PAM: variants seen among roughly 807,000 people sequenced by gnomAD.
The protein encoded by PAM is peptidylglycine alpha-amidating monooxygenase, also known as peptidyl-glycine alpha-amidating monooxygenase.
A neutral mutation model predicts 122.1 loss-of-function variants in PAM; 72 were observed. That is an observed-to-expected ratio of 0.59 (90% CI 0.49 to 0.72). The LOEUF is 0.72. Ranked by LOEUF, PAM falls within the 30% of genes least tolerant of loss-of-function variation. The pLI, the probability that PAM is intolerant of heterozygous loss-of-function variation, is 0.00. For synonymous variants in PAM, 389 were observed against 404.4 expected, an observed-to-expected ratio of 0.96 and a Z score of 0.46; for missense variants, 1,106 against 1,183.7, an observed-to-expected ratio of 0.93 and a Z score of 0.96.
At chr5:102,832,837 G>T (rs754451831) in intron 1 of PAM, among the ~76,000 whole-genome samples, 14 of 152,268 alleles carry the variant, frequency 9.2e-5, no homozygotes, top group Middle Eastern at 6.8e-3. Context: ...GAGCAGAACA[G>T]CTAAGTGACT....
At chr5:102,970,900 G>A (rs1403326005) in intron 14 of PAM, among the ~76,000 whole-genome samples, 1 of 152,056 alleles carries the variant, frequency 6.6e-6, no homozygotes, top group African/African-American at 2.4e-5. Flanking sequence ...TCTGCCTCTG[G>A]GGTTCAAGCA....
At chr5:102,856,718 T>G (rs531703202) in intron 1 of PAM, among the ~76,000 whole-genome samples, 2 of 152,256 alleles carry the variant, frequency 1.3e-5, no homozygotes, top group Admixed American at 6.5e-5. Flanking sequence ...AAAATAAAAT[T>G]TTTTACTTTT....
chr5:102,767,405 G>A (rs1754437509), intron 1 of PAM, among the ~76,000 whole-genome samples: 1 of 152,048 alleles, frequency 6.6e-6, no homozygotes, highest in Admixed American at 6.6e-5. Flanking sequence ...CTCTTATTCT[G>A]GTGTTAGGAC....
chr5:102,909,493 C>T (rs928740925), intron 4 of PAM, among the ~76,000 whole-genome samples: 1 of 151,834 alleles, frequency 6.6e-6, no homozygotes, highest in Non-Finnish European at 1.5e-5. Context: ...ACTATGCTCA[C>T]ATAATAGAGT....
chr5:102,862,860 G>T (rs2098377398), intron 1 of PAM, among the ~76,000 whole-genome samples: 2 of 152,142 alleles, frequency 1.3e-5, no homozygotes, highest in Admixed American at 1.3e-4. Context: ...CAGGAATCAG[G>T]CAGTTTTCCT....
At position 103,028,947 on chromosome 5, in the gene PAM, G is replaced by A. The variant is rs773572053; in HGVS notation, c.2804G>A (p.Arg935Gln). 26 of 1,613,658 alleles carry A rather than the reference G, an allele frequency of 1.6e-5. No individual in the cohort carries two copies. The highest frequency in any genetic ancestry group is 1.3e-4 in the Admixed American group (8 of 59,990). The part of the protein sequence containing the change: ...NFFASRKGYS[R>Q]KGFDRLSTEG... ...TTTGCAAGCCGTAAGGGCTACAGTCGAAAAGGGTTTGACCGGCTTAGCACT... is the reference window on the plus strand; with the variant it reads ...TTTGCAAGCCGTAAGGGCTACAGTCAAAAAGGGTTTGACCGGCTTAGCACT... The change falls in exon 26 of 26, where the codon CGA (arginine) becomes CAA (glutamine). Residue 935 changes from arginine (R) to glutamine (Q), a missense_variant. Transcript: ENST00000438793.
intron 1 of PAM, among the ~76,000 whole-genome samples, chr5:102,823,220 A>G (rs940673720): frequency 6.6e-6 from 1 of 152,146 alleles, no homozygotes; most frequent in African/African-American, 2.4e-5. Context: ...ATGTTTGTAT[A>G]TTTTGTCACC....
In PAM at chr5:103,027,363, C is replaced by A. The variant is rs375290174; in HGVS notation, c.2690-822C>A. 3.9e-5 allele frequency among the ~76,000 whole-genome samples: 6 copies of A among 152,252 alleles called. No individual in the cohort carries two copies. The East Asian group carries it at 1.2e-3, about 29-fold the overall frequency. ...CTCCCTTTCCTCTCATCTGCGCTAT[C>A]TTTTTCCATGATGCTGACTTCAGTC... On this transcript the variant is annotated intron_variant, in intron 24 of 25. Coordinates refer to ENST00000438793, the MANE Select transcript of PAM (RefSeq NM_001177306.2).
chr5:103,017,069 A>G (rs1197876954), intron 21 of PAM, among the ~76,000 whole-genome samples: 34 of 152,210 alleles, frequency 2.2e-4, no homozygotes, highest in Non-Finnish European at 1.5e-5. Flanking sequence ...GTAAATTTTC[A>G]CACTTAAAAG....
chr5:102,892,019 C>A (rs1794924761), intron 3 of PAM, among the ~76,000 whole-genome samples: 1 of 151,782 alleles, frequency 6.6e-6, no homozygotes, highest in Non-Finnish European at 1.5e-5. Flanking sequence ...CTGGTCATTC[C>A]TTTTCTCTTC....
chr5:102,841,248 T>G (rs943882852), intron 1 of PAM, among the ~76,000 whole-genome samples: 21 of 152,220 alleles, frequency 1.4e-4, no homozygotes, highest in African/African-American at 5.1e-4. Flanking sequence ...GCTGGGTTAC[T>G]ACTATCTTTT....
At chr5:102,904,631 C>A (rs1361876053) in intron 4 of PAM, among the ~76,000 whole-genome samples, 1 of 151,458 alleles carries the variant, frequency 6.6e-6, no homozygotes, top group African/African-American at 2.4e-5. Context: ...AGTATGATGC[C>A]TGTTTAAGGA....
At chr5:102,867,539 ATT>A (rs769928669) in intron 3 of PAM, 146 bp downstream of exon 3, 1 of 502,904 alleles carries the variant, frequency 2.0e-6, no homozygotes, top group Non-Finnish European at 3.5e-6. Flanking sequence ...ATAATTGAAT[ATT>A]TTAAAGAGGG....
In PAM at chr5:102,790,265, G is replaced by T. The variant is rs139616470; in HGVS notation, c.-374+34917G>T. On this transcript the variant is annotated intron_variant, in intron 1 of 25. Transcript: ENST00000438793. ...CATAGGAGATTATGGAAACGAATGT[G>T]TCCTGGCTATGCCGCAAATTTTTGT... Among the ~76,000 whole-genome samples, 612 of 152,166 alleles carry T rather than the reference G, an allele frequency of 4.0e-3. 6 individuals are homozygous for T. The highest frequency in any genetic ancestry group is 0.014 in the African/African-American group (561 of 41,554).
chr5:102,777,544 G>T (rs1019319548), intron 1 of PAM, among the ~76,000 whole-genome samples: 1 of 152,036 alleles, frequency 6.6e-6, no homozygotes, highest in African/African-American at 2.4e-5. Flanking sequence ...GGAAAAAAAA[G>T]ACCTAATTGT....
intron 14 of PAM, among the ~76,000 whole-genome samples, chr5:102,969,285 AAAAAG>A (rs982403393): frequency 1.3e-5 from 2 of 152,152 alleles, no homozygotes; most frequent in Non-Finnish European, 2.9e-5. Flanking sequence ...GGAAAAAAAA[AAAAAG>A]AAAAGAAAAT....
At chr5:102,881,098 G>C (rs1487900063) in intron 3 of PAM, among the ~76,000 whole-genome samples, 1 of 144,666 alleles carries the variant, frequency 6.9e-6, no homozygotes, top group Non-Finnish European at 1.5e-5. Flanking sequence ...CTGTAGAAGA[G>C]ACTGGAAAAT....
At chr5:102,965,483 A>C (rs1763819441) in intron 14 of PAM, among the ~76,000 whole-genome samples, 1 of 152,020 alleles carries the variant, frequency 6.6e-6, no homozygotes, top group South Asian at 2.1e-4. Flanking sequence ...CGTCTGTTGT[A>C]TTGGGAAGAT....
At chr5:102,935,163 C>T (rs1004026032) in intron 7 of PAM, among the ~76,000 whole-genome samples, 2 of 152,122 alleles carry the variant, frequency 1.3e-5, no homozygotes, top group Non-Finnish European at 2.9e-5. Flanking sequence ...AATTCCTCCC[C>T]ACCCCAGCTA....
Sources: allele counts gnomAD v4.1 joint callset (sites outside exome capture counted in the v4.1 genomes callset), GRCh38; gene constraint gnomAD v4.1.1; transcripts MANE v1.5; gene names NCBI Gene and HGNC (gene_info 2026-07-23, HGNC 2026-07-21).